Variants in PHLPP1 observed in about 807,000 individuals in gnomAD.
PHLPP1 encodes the protein PH domain and leucine rich repeat protein phosphatase 1.
A neutral mutation model predicts 117.2 loss-of-function variants in PHLPP1; 42 were observed. That is an observed-to-expected ratio of 0.36 (90% confidence interval 0.28 to 0.46). The LOEUF (loss-of-function observed/expected upper bound fraction) is 0.46, where lower values mean the gene tolerates loss of function less well. PHLPP1 is among the 20% of genes least tolerant of loss of function. The probability of loss-of-function intolerance (pLI) is 1.00; values close to 1 mark genes in which losing one functional copy is unlikely to be tolerated. For synonymous variants in PHLPP1, 1,042 were observed against 970.7 expected (o/e 1.07, Z -1.37); for missense variants, 2,084 against 2,241.9 (o/e 0.93, Z 1.42).
Position 62,728,354 on chromosome 18 carries a change from A to G in PHLPP1, c.1576+11095A>G, listed in dbSNP as rs1911137132. On this transcript the variant is annotated intron_variant, in intron 1 of 16. Coordinates refer to ENST00000262719, the MANE Select transcript of PHLPP1 (RefSeq NM_194449.4). ...TAAAGCATTGATTTCTGTTTTCTGAATTTGAGCTCTTTGACTAATTTATTT... is the reference window on the plus strand; with the variant it reads ...TAAAGCATTGATTTCTGTTTTCTGAGTTTGAGCTCTTTGACTAATTTATTT... Among the ~76,000 whole-genome samples, 3 of 152,178 alleles carry G rather than the reference A, an allele frequency of 2.0e-5. No homozygotes were observed. The South Asian group carries it at 6.2e-4, about 32-fold the overall frequency.
intron 1 of PHLPP1, among the ~76,000 whole-genome samples, chr18:62,825,977 T>A (rs1412126427): frequency 6.6e-6 from 1 of 152,178 alleles, no homozygotes; most frequent in Non-Finnish European, 1.5e-5. Flanking sequence ...AAGAATAAAT[T>A]CGGCTATAGG....
chr18:62,878,778 TTGTG>T (rs138248935), intron 4 of PHLPP1, among the ~76,000 whole-genome samples: 1 of 150,242 alleles, frequency 6.7e-6, no homozygotes, highest in Non-Finnish European at 1.5e-5. Flanking sequence ...ACTCCTCATA[TTGTG>T]TGTGTGTGTG....
chr18:62,750,425 C>T (rs1911810498), intron 1 of PHLPP1, among the ~76,000 whole-genome samples: 1 of 152,140 alleles, frequency 6.6e-6, no homozygotes, highest in Non-Finnish European at 1.5e-5. Context: ...CCTGCGGACT[C>T]CTATCAGACT....
intron 1 of PHLPP1, among the ~76,000 whole-genome samples, chr18:62,755,554 T>TGA (rs1469167493): frequency 1.3e-5 from 2 of 152,160 alleles, no homozygotes; most frequent in African/African-American, 4.8e-5. Context: ...AAAAGACGCC[T>TGA]GAGAGAGACT....
At chr18:62,935,516 T>C (rs1281437376) in intron 10 of PHLPP1, among the ~76,000 whole-genome samples, 1 of 152,184 alleles carries the variant, frequency 6.6e-6, no homozygotes, top group East Asian at 1.9e-4. Flanking sequence ...GTTAGACAAA[T>C]TGATGCTACT....
chr18:62,784,347 A>G (rs979853408), intron 1 of PHLPP1, among the ~76,000 whole-genome samples: 4 of 152,240 alleles, frequency 2.6e-5, no homozygotes, highest in African/African-American at 7.2e-5. Context: ...TAAAGTTTCT[A>G]CTATAATAGT....
intron 4 of PHLPP1, among the ~76,000 whole-genome samples, chr18:62,868,384 T>C (rs1485625339): frequency 6.6e-6 from 1 of 152,038 alleles, no homozygotes; most frequent in East Asian, 1.9e-4. Flanking sequence ...CCTGTAACTT[T>C]GGGAGGCTAA....
Position 62,836,480 on chromosome 18 carries a change from TAA to T in PHLPP1, c.1774-2302_1774-2301del, listed in dbSNP as rs1568132884. Among the ~76,000 whole-genome samples the T allele has an allele frequency of 3.9e-4, 36 of 93,148 alleles. No individual in the cohort carries two copies. The East Asian group carries it at 5.8e-3, about 15-fold the overall frequency. 61.1% of individuals were successfully genotyped at this position (93,148 alleles called of 152,430 possible). A position where few individuals can be genotyped will look rare whatever the true frequency, so the allele number is the denominator to read the frequency against. ...ATAAATAAATAAATAAATAAATAAA[TAA>T]ATAAAAATAAATTACTGGATTTTGA... On this transcript the variant is annotated intron_variant, in intron 2 of 16. Transcript: ENST00000262719.
intron 1 of PHLPP1, among the ~76,000 whole-genome samples, chr18:62,746,192 T>C (rs1018688483): frequency 8.5e-5 from 13 of 152,108 alleles, no homozygotes; most frequent in African/African-American, 3.1e-4. Context: ...ACTATAGGCA[T>C]GAGCCACCAT....
chr18:62,947,199 G>A (rs1568170887), intron 12 of PHLPP1, among the ~76,000 whole-genome samples: 3 of 152,148 alleles, frequency 2.0e-5, no homozygotes, highest in Admixed American at 6.5e-5. Flanking sequence ...CTGTTTCCTC[G>A]TATGTTAAAG....
chr18:62,919,472 A>G (rs1022508522), intron 9 of PHLPP1, among the ~76,000 whole-genome samples: 2 of 152,256 alleles, frequency 1.3e-5, no homozygotes, highest in African/African-American at 2.4e-5. Context: ...TGTGAAATAA[A>G]TGCAACTGAG....
At chr18:62,858,681 AGC>A (rs1344864888) in intron 3 of PHLPP1, among the ~76,000 whole-genome samples, 1 of 152,198 alleles carries the variant, frequency 6.6e-6, no homozygotes, top group Non-Finnish European at 1.5e-5. Flanking sequence ...CCTGTAATCC[AGC>A]GCTTTGGGAG....
At chr18:62,834,748 T>C (rs1351029321) in intron 2 of PHLPP1, among the ~76,000 whole-genome samples, 4 of 152,194 alleles carry the variant, frequency 2.6e-5, no homozygotes, top group African/African-American at 9.6e-5. Context: ...ATTTGATAGC[T>C]GTATACCCCC....
chr18:62,876,491 A>T (rs1298210807), intron 4 of PHLPP1, among the ~76,000 whole-genome samples: 1 of 152,206 alleles, frequency 6.6e-6, no homozygotes, highest in African/African-American at 2.4e-5. Flanking sequence ...ATCCTTTTAT[A>T]GTAAGCATCT....
At chr18:62,891,803 G>A (rs148785822) in intron 4 of PHLPP1, among the ~76,000 whole-genome samples, 1,655 of 148,188 alleles carry the variant, frequency 0.011, 28 homozygotes, top group African/African-American at 0.039. Context: ...TGAGGTGGGA[G>A]GATCATCTGA....
At chr18:62,901,451 C>T (rs147233014) in intron 6 of PHLPP1, among the ~76,000 whole-genome samples, 10 of 152,230 alleles carry the variant, frequency 6.6e-5, no homozygotes, top group Admixed American at 2.6e-4. Flanking sequence ...GCTGTGCTTG[C>T]GTGTTGACAA....
intron 10 of PHLPP1, among the ~76,000 whole-genome samples, chr18:62,922,642 A>G (rs28446919): frequency 0.038 from 5,780 of 152,322 alleles, 124 homozygotes; most frequent in Middle Eastern, 0.082. Context: ...TTTAGGTTTT[A>G]GGAGCCTGAA....
intron 10 of PHLPP1, among the ~76,000 whole-genome samples, chr18:62,934,965 C>T (rs1443754937): frequency 2.0e-5 from 3 of 152,088 alleles, no homozygotes; most frequent in African/African-American, 4.8e-5. Context: ...CTACTAAGAT[C>T]AGTAACAGGA....
At chr18:62,903,908 C>A (rs565702126) in intron 7 of PHLPP1, among the ~76,000 whole-genome samples, 2 of 152,112 alleles carry the variant, frequency 1.3e-5, no homozygotes, top group East Asian at 3.9e-4. Context: ...CAGGGCAGTT[C>A]CAAAAAAGAA....
Sources: allele counts gnomAD v4.1 joint callset (sites outside exome capture counted in the v4.1 genomes callset), GRCh38; gene constraint gnomAD v4.1.1; transcripts MANE v1.5; gene names NCBI Gene and HGNC (gene_info 2026-07-23, HGNC 2026-07-21).